Variants in CCDC171 observed in about 807,000 individuals in gnomAD.
CCDC171 encodes the protein coiled-coil domain containing 171.
CCDC171 carries 177 observed loss-of-function variants against 168.2 expected under a neutral mutation model. The observed-to-expected ratio is 1.05, with a 90% confidence interval of 0.93 to 1.19. The LOEUF is 1.19. Among genes scored for constraint, CCDC171 ranks in the 50% most tolerant of loss-of-function variants. The pLI, the probability that CCDC171 is intolerant of heterozygous loss-of-function variation, is 0.00. For synonymous variants in CCDC171, 687 were observed against 540.8 expected, an observed-to-expected ratio of 1.27 and a Z score of -3.75; for missense variants, 1,991 against 1,539.0, an observed-to-expected ratio of 1.29 and a Z score of -4.91.
intron 1 of CCDC171, among the ~76,000 whole-genome samples, chr9:15,563,632 C>T (rs911053454): frequency 2.0e-5 from 3 of 152,086 alleles, no homozygotes; most frequent in African/African-American, 7.2e-5. Flanking sequence ...CTTTCAGGTC[C>T]CTGGATAGAT....
At chr9:15,830,893 A>G (rs1381189204) in intron 21 of CCDC171, among the ~76,000 whole-genome samples, 3 of 151,290 alleles carry the variant, frequency 2.0e-5, no homozygotes, top group Non-Finnish European at 2.9e-5. Context: ...ATAATTCATT[A>G]TATTATAAAT....
rs142381025 is a variant in CCDC171, at chr9:15,784,605, G to A, written c.3178G>A (p.Ala1060Thr). 3.3e-5 allele frequency: 53 copies of A among 1,612,990 alleles called. No homozygotes were observed. The African/African-American group carries it at 4.7e-4, about 14-fold the overall frequency. Residue 1060 changes from alanine to threonine, a missense_variant, in exon 21 of 26, where the codon GCA becomes ACA. Coordinates refer to ENST00000380701, the MANE Select transcript of CCDC171 (RefSeq NM_173550.4). ...EQAQMLLNEQ[A>T]QQLQELNYKL... Reference sequence around the variant, plus strand: ...GGCACAAATGCTATTGAATGAACAGGCACAACAACTACAGGAATTGAATTA... The same window carrying A: ...GGCACAAATGCTATTGAATGAACAGACACAACAACTACAGGAATTGAATTA...
At chr9:15,558,372 A>G (rs2038987132) in intron 1 of CCDC171, among the ~76,000 whole-genome samples, 1 of 151,840 alleles carries the variant, frequency 6.6e-6, no homozygotes, top group South Asian at 2.1e-4. Flanking sequence ...GGTCCTGGAT[A>G]TTTTTTGGTT....
chr9:15,714,882 A>T (rs1216894729), intron 11 of CCDC171, among the ~76,000 whole-genome samples: 1 of 152,194 alleles, frequency 6.6e-6, no homozygotes, highest in Non-Finnish European at 1.5e-5. Context: ...TGGTTCTAGG[A>T]ACACCATGAT....
intron 3 of CCDC171, among the ~76,000 whole-genome samples, chr9:15,982,454 A>C (rs1040489621): frequency 6.6e-6 from 1 of 152,286 alleles, no homozygotes; most frequent in East Asian, 1.9e-4. Context: ...AATGGCACAC[A>C]GTAGTTACTG....
chr9:15,763,905 T>G (rs1203405219), intron 18 of CCDC171, among the ~76,000 whole-genome samples: 2 of 152,172 alleles, frequency 1.3e-5, no homozygotes, highest in Non-Finnish European at 2.9e-5. Flanking sequence ...TGGATGTATG[T>G]TTTTATTTCC....
rs369897474 is a variant in CCDC171, at chr9:15,959,271, A to G, written c.3754-12338A>G. ...CGATGTGGCCTTTCCATCCATTTCT[A>G]TCTATAAAGTAACAGGTCTTACCAT... On this transcript the variant is annotated intron_variant, in intron 25 of 25. Transcript: ENST00000380701. Among the ~76,000 whole-genome samples the G allele has an allele frequency of 6.6e-5, 10 of 152,248 alleles. No homozygotes were observed. In the East Asian group the frequency reaches 7.7e-4, roughly 12 times the overall value.
At chr9:15,758,564 G>T (rs2056268094) in intron 18 of CCDC171, among the ~76,000 whole-genome samples, 1 of 152,162 alleles carries the variant, frequency 6.6e-6, no homozygotes, top group Admixed American at 6.5e-5. Flanking sequence ...TTTGGGGGAT[G>T]GTTGGGAAGG....
chr9:15,571,186 T>C (rs1313758255), intron 2 of CCDC171, among the ~76,000 whole-genome samples: 1 of 152,232 alleles, frequency 6.6e-6, no homozygotes, highest in Non-Finnish European at 1.5e-5. Context: ...TTCTGTTTGC[T>C]GTTATTTTAA....
the CCDC171 span, among the ~76,000 whole-genome samples, chr9:16,082,357 C>T: frequency 3.3e-5 from 5 of 152,170 alleles, no homozygotes; most frequent in Admixed American, 2.6e-4. Flanking sequence ...CAATTCATGG[C>T]TTCATAGCAG....
At position 15,886,713 on chromosome 9, in the gene CCDC171, C is replaced by T. The variant is rs1015042752; in HGVS notation, c.3600+12050C>T. ...ACAATAGCCAAGATATAGAAACAAC[C>T]TAAGTGTCCTCTGATGAATGAATGG... On this transcript the variant is annotated intron_variant, in intron 24 of 25. Coordinates refer to ENST00000380701, the MANE Select transcript of CCDC171 (RefSeq NM_173550.4). 3.3e-5 allele frequency: 5 copies of T among 151,168 alleles called. No homozygotes were observed. The Admixed American group carries it at 3.3e-4, about 10-fold the overall frequency. The allele number at this position is 151,168 out of a possible 1,614,324, so 9.4% of individuals were successfully genotyped here. A position where few individuals can be genotyped will look rare whatever the true frequency, so the allele number is the denominator to read the frequency against.
chr9:15,568,977 T>C (rs2039980658), intron 2 of CCDC171, among the ~76,000 whole-genome samples: 1 of 152,248 alleles, frequency 6.6e-6, no homozygotes. Context: ...TGCCCATTCC[T>C]GTGTCCAGGA....
At chr9:15,562,363 T>C (rs910251043) in intron 1 of CCDC171, among the ~76,000 whole-genome samples, 2 of 152,148 alleles carry the variant, frequency 1.3e-5, no homozygotes, top group African/African-American at 4.8e-5. Flanking sequence ...TCTTATATAA[T>C]GTAATCATAA....
intron 21 of CCDC171, among the ~76,000 whole-genome samples, chr9:15,810,792 A>G (rs972542692): frequency 1.3e-5 from 2 of 151,826 alleles, no homozygotes; most frequent in African/African-American, 4.8e-5. Context: ...CTCCCTTGAC[A>G]CCTCCCACAA....
At chr9:15,945,468 A>G (rs1463656192) in intron 25 of CCDC171, among the ~76,000 whole-genome samples, 8 of 151,334 alleles carry the variant, frequency 5.3e-5, no homozygotes, top group Non-Finnish European at 1.2e-4. Flanking sequence ...GACTTCCACA[A>G]TGGTAGAACT....
chr9:15,613,998 C>T (rs187356367), intron 6 of CCDC171, among the ~76,000 whole-genome samples: 8 of 152,282 alleles, frequency 5.3e-5, no homozygotes, highest in Admixed American at 4.6e-4. Context: ...TCTTAAATGC[C>T]GTGAACAAAT....
At chr9:15,952,368 C>G (rs1829294265) in intron 25 of CCDC171, among the ~76,000 whole-genome samples, 1 of 152,100 alleles carries the variant, frequency 6.6e-6, no homozygotes, top group African/African-American at 2.4e-5. Context: ...TTTCCAGTCC[C>G]TTGAGATTAT....
At chr9:15,606,027 A>G (rs1301961924) in intron 6 of CCDC171, among the ~76,000 whole-genome samples, 1 of 152,168 alleles carries the variant, frequency 6.6e-6, no homozygotes, top group Non-Finnish European at 1.5e-5. Context: ...ACCTATGATA[A>G]CGTTTAATTT....
chr9:16,080,221 C>T, the CCDC171 span, among the ~76,000 whole-genome samples: 12 of 152,294 alleles, frequency 7.9e-5, no homozygotes, highest in East Asian at 1.9e-3. Flanking sequence ...TGATCCAGAA[C>T]AAAGGCAGGT....
Sources: allele counts gnomAD v4.1 joint callset (sites outside exome capture counted in the v4.1 genomes callset), GRCh38; gene constraint gnomAD v4.1.1; transcripts MANE v1.5; gene names NCBI Gene and HGNC (gene_info 2026-07-23, HGNC 2026-07-21).